DLGAP2: variants seen among roughly 807,000 people sequenced by gnomAD.
The protein encoded by DLGAP2 is DLG associated protein 2, also known as disks large-associated protein 2.
Under a neutral mutation model 100.3 loss-of-function variants are expected in DLGAP2, and 26 were observed. The ratio of observed to expected loss-of-function variants is 0.26; its 90% CI spans 0.19 to 0.36. The LOEUF (loss-of-function observed/expected upper bound fraction) is 0.36, where lower values mean the gene tolerates loss of function less well. DLGAP2 is among the 10% of genes least tolerant of loss of function. The pLI is 1.00. For missense variants in DLGAP2, 1,858 were observed against 1,453.2 expected (o/e 1.28, Z -4.53); for synonymous variants, 886 against 630.1 (o/e 1.41, Z -6.08).
chr8:1,026,497 C>T (rs1801804721), intron 2 of DLGAP2, among the ~76,000 whole-genome samples: 1 of 152,206 alleles, frequency 6.6e-6, no homozygotes. Context: ...GTGATCTAAA[C>T]TGCTGGCTGG....
In DLGAP2 at chr8:1,496,813, G is replaced by A. The variant is rs201160685; in HGVS notation, c.107-4553G>A. Among the ~76,000 whole-genome samples, 58 of 152,290 alleles carry A rather than the reference G, an allele frequency of 3.8e-4. No individual in the cohort carries two copies. The East Asian group carries it at 6.0e-3, about 16-fold the overall frequency. ...CACCGCACACGCCATCCGCACGTTCGCTGCTGTGCCCAGAGGTGTGCGTTG... is the reference window on the plus strand; with the variant it reads ...CACCGCACACGCCATCCGCACGTTCACTGCTGTGCCCAGAGGTGTGCGTTG... On this transcript the variant is annotated intron_variant, in intron 3 of 14. Transcript: ENST00000637795.
chr8:1,320,860 T>G (rs1800881952), intron 3 of DLGAP2, among the ~76,000 whole-genome samples: 1 of 152,190 alleles, frequency 6.6e-6, no homozygotes, highest in Non-Finnish European at 1.5e-5. Flanking sequence ...TCTCTCTGTG[T>G]TTGCATTCGT....
intron 4 of DLGAP2, among the ~76,000 whole-genome samples, chr8:1,544,054 T>C (rs77317037): frequency 0.029 from 4,383 of 152,114 alleles, 213 homozygotes; most frequent in African/African-American, 0.096. Context: ...ATGTGCCTAC[T>C]ACTATGCCTG....
intron 1 of DLGAP2, among the ~76,000 whole-genome samples, chr8:877,983 A>G (rs1250211093): frequency 6.6e-6 from 1 of 152,178 alleles, no homozygotes; most frequent in Non-Finnish European, 1.5e-5. Flanking sequence ...GTCTCCCTGA[A>G]TTTTCGTAGC....
intron 4 of DLGAP2, among the ~76,000 whole-genome samples, chr8:1,518,932 CTAAGA>C (rs1033287169): frequency 8.5e-5 from 13 of 152,296 alleles, no homozygotes; most frequent in African/African-American, 2.4e-4. Context: ...CTCTGCGTGG[CTAAGA>C]TGAGACCAAC....
chr8:1,344,670 C>G (rs1300794486), intron 3 of DLGAP2, among the ~76,000 whole-genome samples: 9 of 152,140 alleles, frequency 5.9e-5, no homozygotes, highest in Admixed American at 5.9e-4. Context: ...CACTCATTCT[C>G]CACTCAGTCT....
chr8:977,377 G>A (rs1308937861), intron 2 of DLGAP2, among the ~76,000 whole-genome samples: 2 of 152,216 alleles, frequency 1.3e-5, no homozygotes, highest in African/African-American at 4.8e-5. Flanking sequence ...ACAATTTTAT[G>A]TGCAAATGAG....
intron 2 of DLGAP2, among the ~76,000 whole-genome samples, chr8:1,047,276 G>T (rs1013406697): frequency 1.3e-5 from 2 of 152,170 alleles, no homozygotes; most frequent in African/African-American, 4.8e-5. Flanking sequence ...CACTTAGCAA[G>T]GTTGTCAAGC....
chr8:1,173,679 T>C (rs980858825), intron 2 of DLGAP2, among the ~76,000 whole-genome samples: 1 of 152,220 alleles, frequency 6.6e-6, no homozygotes, highest in African/African-American at 2.4e-5. Flanking sequence ...TAGGACCCTC[T>C]GAGCCAGGTG....
intron 3 of DLGAP2, among the ~76,000 whole-genome samples, chr8:1,345,819 G>C (rs1316233306): frequency 6.6e-6 from 1 of 152,238 alleles, no homozygotes; most frequent in East Asian, 1.9e-4. Context: ...CCTCAGCATT[G>C]TTGTAAAATT....
intron 3 of DLGAP2, among the ~76,000 whole-genome samples, chr8:1,417,689 A>AG (rs1334938504): frequency 1.2e-5 from 1 of 81,798 alleles, no homozygotes; most frequent in African/African-American, 4.8e-5. Context: ...AGGGGGGCAC[A>AG]GGGGGCCCCA....
At chr8:1,062,383 G>A (rs1803111135) in intron 2 of DLGAP2, among the ~76,000 whole-genome samples, 1 of 152,204 alleles carries the variant, frequency 6.6e-6, no homozygotes, top group Non-Finnish European at 1.5e-5. Context: ...TGCTTCTCTC[G>A]CAAGGATGTG....
chr8:1,031,451 A>G (rs186589838), intron 2 of DLGAP2, among the ~76,000 whole-genome samples: 90 of 152,102 alleles, frequency 5.9e-4, no homozygotes, highest in Middle Eastern at 3.4e-3. Context: ...TCACTCTGTC[A>G]CCCAAGCTGT....
chr8:773,621 G>A (rs1821426340), intron 1 of DLGAP2, among the ~76,000 whole-genome samples: 1 of 151,120 alleles, frequency 6.6e-6, no homozygotes, highest in Non-Finnish European at 1.5e-5. Flanking sequence ...TCTTGCGATA[G>A]TTTACTGAGA....
intron 4 of DLGAP2, among the ~76,000 whole-genome samples, chr8:1,527,003 G>A (rs543149853): frequency 1.7e-4 from 26 of 151,818 alleles, no homozygotes; most frequent in Admixed American, 1.6e-3. Flanking sequence ...CCGTTACCAC[G>A]ACTTCGCATC....
At chr8:1,352,485 C>G (rs906186209) in intron 3 of DLGAP2, among the ~76,000 whole-genome samples, 2 of 152,182 alleles carry the variant, frequency 1.3e-5, no homozygotes, top group African/African-American at 2.4e-5. Flanking sequence ...TTCCTAAAAA[C>G]TCTTCCCACC....
At chr8:1,361,484 C>G (rs556935540) in intron 3 of DLGAP2, among the ~76,000 whole-genome samples, 5 of 152,096 alleles carry the variant, frequency 3.3e-5, no homozygotes, top group Non-Finnish European at 5.9e-5. Flanking sequence ...ACTAAGGTAA[C>G]ACACGGCTCT....
chr8:1,200,938 G>A (rs1563249490), intron 2 of DLGAP2, among the ~76,000 whole-genome samples: 1 of 152,206 alleles, frequency 6.6e-6, no homozygotes, highest in East Asian at 1.9e-4. Flanking sequence ...TTCAGCTCCA[G>A]GAGCGTGTTG....
chr8:1,280,788 G>A lies in DLGAP2; in HGVS notation c.106+21905G>A, dbSNP rs533309478. On this transcript the variant is annotated intron_variant, in intron 3 of 14. Transcript: ENST00000637795. ...GGTCAGGTTGCCATGCAAGCTTCGTGTTTGCAGATGTCACCTGTAATGGGG... is the reference window on the plus strand; with the variant it reads ...GGTCAGGTTGCCATGCAAGCTTCGTATTTGCAGATGTCACCTGTAATGGGG... Among the ~76,000 whole-genome samples the A allele has an allele frequency of 1.3e-3, 204 of 152,308 alleles. 1 individual carries two copies. Among genetic ancestry groups the A allele is most frequent in the Non-Finnish European group, 6.3e-4 (43 of 68,024 alleles).
Sources: allele counts gnomAD v4.1 joint callset (sites outside exome capture counted in the v4.1 genomes callset), GRCh38; gene constraint gnomAD v4.1.1; transcripts MANE v1.5; gene names NCBI Gene and HGNC (gene_info 2026-07-23, HGNC 2026-07-21).